SUZ12: variants seen among roughly 807,000 people sequenced by gnomAD.
The protein encoded by SUZ12 is SUZ12 polycomb repressive complex 2 subunit, also known as polycomb protein SUZ12.
SUZ12 carries 17 observed loss-of-function variants against 87.3 expected under a neutral mutation model. That is an observed-to-expected ratio of 0.19 (90% CI 0.13 to 0.29). SUZ12 has a LOEUF of 0.29. SUZ12 is among the 10% of genes least tolerant of loss of function. SUZ12 has a pLI of 1.00. For synonymous variants in SUZ12, 253 were observed against 312.4 expected, an observed-to-expected ratio of 0.81 and a Z score of 2.01; for missense variants, 526 against 912.2, an observed-to-expected ratio of 0.58 and a Z score of 5.45.
chr17:31,994,293 C>G, intron 12 of SUZ12: 1 of 433,036 alleles, frequency 2.3e-6, no homozygotes, highest in South Asian at 5.1e-5. Flanking sequence ...TCACAAAATC[C>G]TCAACCAACT....
At chr17:31,984,793 A>C (rs576326084) in intron 9 of SUZ12, among the ~76,000 whole-genome samples, 82 of 152,364 alleles carry the variant, frequency 5.4e-4, no homozygotes, top group African/African-American at 1.9e-3. Flanking sequence ...ACAAAGATTA[A>C]AAGTTTGACA....
Position 32,000,051 on chromosome 17 carries a change from C to T in SUZ12, c.*1048C>T, listed in dbSNP as rs993821929. On this transcript the variant is annotated 3_prime_UTR_variant, in exon 16 of 16. Transcript: ENST00000322652. ...TTTGCCCTGTGTTATATGTGTTTCA[C>T]GCACATATTTGCAGTTGGATTTTCT... The T allele has an allele frequency of 5.2e-5, 12 of 232,908 alleles. No homozygotes were observed. The highest frequency in any genetic ancestry group is 3.6e-4 in the South Asian group (2 of 5,518). The allele number at this position is 232,908 out of a possible 1,614,324, so 14.4% of individuals were successfully genotyped here. A position where few individuals can be genotyped will look rare whatever the true frequency, so the allele number is the denominator to read the frequency against.
chr17:31,981,305 G>T (rs1344292781), intron 8 of SUZ12, among the ~76,000 whole-genome samples: 1 of 152,124 alleles, frequency 6.6e-6, no homozygotes, highest in African/African-American at 2.4e-5. Flanking sequence ...ACAATAAGAA[G>T]TTTACCAAAA....
At chr17:31,942,803 A>G (rs1042441787) in intron 3 of SUZ12, among the ~76,000 whole-genome samples, 3 of 152,198 alleles carry the variant, frequency 2.0e-5, no homozygotes, top group Admixed American at 6.5e-5. Flanking sequence ...ATAATTATCA[A>G]TGCAAGTTTT....
intron 5 of SUZ12, among the ~76,000 whole-genome samples, chr17:31,969,249 A>G (rs1387363639): frequency 6.6e-6 from 1 of 152,094 alleles, no homozygotes; most frequent in Non-Finnish European, 1.5e-5. Flanking sequence ...GGTTCAAGCA[A>G]TTCTGTTGCC....
At chr17:31,942,652 T>G (rs551675749) in intron 3 of SUZ12, among the ~76,000 whole-genome samples, 10 of 152,148 alleles carry the variant, frequency 6.6e-5, no homozygotes, top group Non-Finnish European at 8.8e-5. Context: ...GGTGGTCTTA[T>G]TGAAGGGGAA....
intron 9 of SUZ12, 66 bp downstream of exon 9, chr17:31,983,170 T>G (rs1909208242): frequency 1.3e-6 from 2 of 1,495,296 alleles, no homozygotes; most frequent in African/African-American, 2.8e-5. Context: ...TGATGTTTTC[T>G]TCCCCAAATG....
intron 6 of SUZ12, among the ~76,000 whole-genome samples, chr17:31,974,140 G>A (rs1307741683): frequency 3.3e-5 from 5 of 152,032 alleles, no homozygotes; most frequent in Non-Finnish European, 7.4e-5. Flanking sequence ...AGCCCAGTAA[G>A]TCGAGGCTGC....
intron 6 of SUZ12, among the ~76,000 whole-genome samples, chr17:31,975,024 G>GAT (rs1203859090): frequency 2.6e-5 from 4 of 152,040 alleles, no homozygotes; most frequent in African/African-American, 9.6e-5. Context: ...TTGACCATGG[G>GAT]ATTATTAGTC....
In SUZ12 at chr17:31,998,993, A is replaced by C. The variant is rs1910125095; in HGVS notation, c.2210A>C (p.Gln737Pro). ...VSGVSKQSKK[Q>P]KL ...GGGGTTTCAAAACAGAGCAAAAAAC[A>C]AAAACTCTGAAAAGCTCTAACCCCA... Residue 737 changes from glutamine (Q) to proline (P), a missense_variant, in exon 16 of 16, where the codon CAA becomes CCA. By Grantham distance (76) the Gln-to-Pro change is moderately conservative. This residue lies in a region of SUZ12 where 56 missense variants were observed against 56.6 expected (regional missense o/e 0.99). Transcript: ENST00000322652. The C allele has an allele frequency of 6.5e-7, 1 of 1,542,806 alleles. No homozygotes were observed. The highest frequency in any genetic ancestry group is 8.7e-7 in the Non-Finnish European group (1 of 1,151,650).
At chr17:31,988,809 C>CG (rs1909548691) in intron 10 of SUZ12, among the ~76,000 whole-genome samples, 1 of 151,782 alleles carries the variant, frequency 6.6e-6, no homozygotes, top group Non-Finnish European at 1.5e-5. Context: ...AGTGGCTCAA[C>CG]ACCTGTAATC....
intron 4 of SUZ12, among the ~76,000 whole-genome samples, chr17:31,949,660 GCCCCCC>G (rs796561870): frequency 0.011 from 58 of 5,364 alleles, no homozygotes; most frequent in South Asian, 0.059. Flanking sequence ...ACCACACCCA[GCCCCCC>G]CCCCCCCCCC....
intron 4 of SUZ12, among the ~76,000 whole-genome samples, chr17:31,952,886 C>CTCTGG (rs1907074456): frequency 6.6e-6 from 1 of 152,068 alleles, no homozygotes; most frequent in South Asian, 2.1e-4. Context: ...TCTCTGGTAA[C>CTCTGG]AACTCTTGAG....
At chr17:31,942,327 T>G (rs529420465) in intron 3 of SUZ12, among the ~76,000 whole-genome samples, 75 of 152,128 alleles carry the variant, frequency 4.9e-4, no homozygotes, top group Middle Eastern at 3.4e-3. Context: ...TTTGGTTTTT[T>G]TTTTGTTTTG....
intron 1 of SUZ12, among the ~76,000 whole-genome samples, chr17:31,939,523 A>G (rs1447804133): frequency 1.4e-5 from 2 of 140,490 alleles, no homozygotes; most frequent in African/African-American, 5.2e-5. Context: ...GCTGACTACA[A>G]TTTTTTTTTT....
At position 31,937,066 on chromosome 17, in the gene SUZ12, C is replaced by CTT; in HGVS notation, c.-173_-172dup. On this transcript the variant is annotated 5_prime_UTR_variant, in exon 1 of 16. Coordinates refer to ENST00000322652, the MANE Select transcript of SUZ12 (RefSeq NM_015355.4). ...AGCGGAGCGGGGCTCTGAGGAGACA[C>CTT]TTTTTTTTTCCTCCCTCCTTCCCTC... 1 of 505,146 alleles carries CTT rather than the reference C, an allele frequency of 2.0e-6. No homozygotes were observed. The highest frequency in any genetic ancestry group is 5.2e-4 in the Middle Eastern group (1 of 1,920). The allele number at this position is 505,146 out of a possible 1,614,324, so 31.3% of individuals were successfully genotyped here.
chr17:31,959,926 C>T (rs1451402054), intron 4 of SUZ12, among the ~76,000 whole-genome samples: 1 of 152,146 alleles, frequency 6.6e-6, no homozygotes, highest in Non-Finnish European at 1.5e-5. Flanking sequence ...TGTCTTACTT[C>T]CTGAGAAGAT....
chr17:31,990,440 C>G (rs1326959325), intron 10 of SUZ12, among the ~76,000 whole-genome samples: 1 of 150,756 alleles, frequency 6.6e-6, no homozygotes, highest in African/African-American at 2.4e-5. Flanking sequence ...CTCGGCTCAG[C>G]ACAACCTCCG....
chr17:31,979,103 C>CAAAAAAAA (rs61307349), intron 8 of SUZ12, among the ~76,000 whole-genome samples: 28 of 65,238 alleles, frequency 4.3e-4, no homozygotes, highest in African/African-American at 9.9e-4. Flanking sequence ...ACTGTGTCTC[C>CAAAAAAAA]AAAAAAAAAA....
Sources: allele counts gnomAD v4.1 joint callset (sites outside exome capture counted in the v4.1 genomes callset), GRCh38; gene constraint gnomAD v4.1.1; regional missense constraint gnomAD v4.1.1; transcripts MANE v1.5; gene names NCBI Gene and HGNC (gene_info 2026-07-23, HGNC 2026-07-21).